The following RPS3 variants were observed in gnomAD, a reference collection of about 807,000 sequenced individuals.
RPS3 encodes ribosomal protein S3, also known as small ribosomal subunit protein uS3.
Under a neutral mutation model 25.8 loss-of-function variants are expected in RPS3, and 2 were observed. The observed-to-expected ratio is 0.08, with a 90% CI of 0.03 to 0.24. RPS3 has a LOEUF of 0.24. Among genes scored for constraint, RPS3 ranks in the 10% least tolerant of loss-of-function variants. The pLI is 1.00. For missense variants in RPS3, 107 were observed against 307.1 expected, an observed-to-expected ratio of 0.35 and a Z score of 4.87; for synonymous variants, 114 against 114.2, an observed-to-expected ratio of 1.00 and a Z score of 0.01.
chr11:75,401,125 G>A (rs997164889), intron 2 of RPS3, among the ~76,000 whole-genome samples: 2 of 152,086 alleles, frequency 1.3e-5, no homozygotes, highest in African/African-American at 2.4e-5. Flanking sequence ...CTCGTGATCC[G>A]CCTGCCTCAG....
chr11:75,410,016 C>T (rs1462938111), downstream of RPS3, among the ~76,000 whole-genome samples: 8 of 135,128 alleles, frequency 5.9e-5, no homozygotes, highest in African/African-American at 1.6e-4. Flanking sequence ...TAGGGGCGGC[C>T]GGGCAGAGGC....
At chr11:75,408,854 A>G (rs1367586082), downstream of RPS3, among the ~76,000 whole-genome samples, 1 of 152,208 alleles carries the variant, frequency 6.6e-6, no homozygotes. Flanking sequence ...TACATCTTTT[A>G]CAGAAAACTA....
chr11:75,401,615 T>C (rs767465035), intron 2 of RPS3, 25 bp from the exon 3 acceptor site: 2 of 1,496,210 alleles, frequency 1.3e-6, no homozygotes, highest in Non-Finnish European at 1.9e-6. Flanking sequence ...TGTGAGAATC[T>C]TGAATTGTCA....
At position 75,403,899 on chromosome 11, in the gene RPS3, C is replaced by T. The variant is rs146714174; in HGVS notation, c.351-121C>T. 4.9e-4 allele frequency: 429 copies of T among 880,716 alleles called. 2 individuals are homozygous for T. The African/African-American group carries it at 6.0e-3, about 12-fold the overall frequency. The allele number at this position is 880,716 out of a possible 1,614,324, so 54.6% of individuals were successfully genotyped here. A position where few individuals can be genotyped will look rare whatever the true frequency, so the allele number is the denominator to read the frequency against. ...GGAAGAGAATTGGTATTCTTGGGGC[C>T]GGACTCTGGTCAAATTATTCTCCAT... On this transcript the variant is annotated intron_variant, in intron 4 of 6. Transcript: ENST00000531188.
At chr11:75,409,166 TTTA>T (rs201512416), downstream of RPS3, among the ~76,000 whole-genome samples, 1,302 of 150,902 alleles carry the variant, frequency 8.6e-3, 13 homozygotes, top group African/African-American at 0.021. Context: ...TTTTATTTTA[TTTA>T]TTATTATTAT....
chr11:75,408,651 C>T (rs551475190), downstream of RPS3, among the ~76,000 whole-genome samples: 9 of 151,970 alleles, frequency 5.9e-5, no homozygotes, highest in Admixed American at 2.6e-4. Context: ...AATCTCAGCT[C>T]GCTGCAACCT....
At chr11:75,409,193 A>T (rs565016726), downstream of RPS3, among the ~76,000 whole-genome samples, 83 of 149,402 alleles carry the variant, frequency 5.6e-4, no homozygotes, top group African/African-American at 2.0e-3. Context: ...TTATTTATTT[A>T]TTTATTTTTT....
intron 6 of RPS3, among the ~76,000 whole-genome samples, chr11:75,417,689 C>A (rs1386558770): frequency 3.3e-5 from 5 of 152,206 alleles, no homozygotes; most frequent in Non-Finnish European, 5.9e-5. Flanking sequence ...TCACTTGAGC[C>A]TGGCAGGTAA....
At chr11:75,411,697 T>C (rs963931228), downstream of RPS3, among the ~76,000 whole-genome samples, 2 of 152,188 alleles carry the variant, frequency 1.3e-5, no homozygotes, top group East Asian at 3.8e-4. Flanking sequence ...GCCCTTAATA[T>C]GTCTTAAGTG....
chr11:75,404,170 C>T lies in RPS3; in HGVS notation c.501C>T (p.Tyr167=), dbSNP rs118052894. The T allele has an allele frequency of 2.6e-4, 427 of 1,614,108 alleles. 2 individuals carry two copies. In the East Asian group the frequency reaches 8.5e-3, roughly 32 times the overall value. ...MIHSGDPVNY[Y]VDTAVRHVLL... ...ACAGCGGAGACCCTGTTAACTACTA[C>T]GTTGACACTGCTGTGCGCCACGTGT... Residue 167 remains tyrosine (Y), a synonymous_variant, in exon 5 of 7, where the codon TAC becomes TAT. Coordinates refer to ENST00000531188, the MANE Select transcript of RPS3 (RefSeq NM_001005.5). The surrounding 1 kb of genome is among the most constrained non-coding windows in gnomAD (Gnocchi z 4.6).
intron 6 of RPS3, among the ~76,000 whole-genome samples, chr11:75,413,001 G>C (rs1948369931): frequency 6.6e-6 from 1 of 152,116 alleles, no homozygotes. Flanking sequence ...TTGAACTCCT[G>C]GCCTCAAGTG....
chr11:75,408,643 T>TCTCAGCTCGCTGCAAC (rs1334298388), downstream of RPS3, among the ~76,000 whole-genome samples: 15 of 151,800 alleles, frequency 9.9e-5, no homozygotes, highest in Admixed American at 4.6e-4. Flanking sequence ...AGTAGCACAA[T>TCTCAGCTCGCTGCAAC]CTCAGCTCGC....
Position 75,404,378 on chromosome 11 carries a change from G to T in RPS3, c.538+171G>T. On this transcript the variant is annotated intron_variant, in intron 5 of 6. Coordinates refer to ENST00000531188, the MANE Select transcript of RPS3 (RefSeq NM_001005.5). The surrounding 1 kb of genome is among the most constrained non-coding windows in gnomAD (Gnocchi z 4.6). ...AGAATCGATTTGCTGAGATCTGTCA[G>T]ATCCAAGAGTTGGTTTGTCCTTGTT... The T allele has an allele frequency of 3.7e-6, 3 of 808,676 alleles. No homozygotes were observed. Among genetic ancestry groups the T allele is most frequent in the Non-Finnish European group, 6.5e-6 (3 of 462,122 alleles). The allele number at this position is 808,676 out of a possible 1,614,324, so 50.1% of individuals were successfully genotyped here.
intron 6 of RPS3, 192 bp from the exon 7 acceptor site, chr11:75,405,422 T>G: frequency 3.1e-6 from 1 of 324,396 alleles, no homozygotes; most frequent in South Asian, 2.6e-5. Flanking sequence ...CACTTGGGGT[T>G]TTTTTGTTTA....
At position 75,406,860 on chromosome 11, in the gene RPS3, A is replaced by G. The variant is rs1295088596; in HGVS notation, c.*1250A>G. The G allele has an allele frequency of 2.6e-5, 4 of 152,262 alleles. No individual in the cohort carries two copies. Among genetic ancestry groups the G allele is most frequent in the Admixed American group, 2.6e-4 (4 of 15,290 alleles). 9.4% of individuals were successfully genotyped at this position (152,262 alleles called of 1,614,324 possible). ...CTTGTACACTGCAGTTGTAACAGCT[A>G]TGTAGCATGTACATTAGGTATTAAA... On this transcript the variant is annotated 3_prime_UTR_variant, in exon 7 of 7. Coordinates refer to ENST00000531188, the MANE Select transcript of RPS3 (RefSeq NM_001005.5).
chr11:75,400,326 C>T (rs575617321), intron 1 of RPS3: 105 of 514,442 alleles, frequency 2.0e-4, no homozygotes, highest in South Asian at 1.4e-3. Flanking sequence ...CTTTGCTGTG[C>T]TGAATGAAGT....
downstream of RPS3, among the ~76,000 whole-genome samples, chr11:75,411,595 TTAGC>T (rs1170874505): frequency 6.6e-6 from 1 of 151,362 alleles, no homozygotes; most frequent in East Asian, 2.0e-4. Context: ...TTTCACCATG[TTAGC>T]TAGGATGGTC....
intron 6 of RPS3, among the ~76,000 whole-genome samples, chr11:75,418,492 A>G (rs542238854): frequency 6.6e-6 from 1 of 152,242 alleles, no homozygotes; most frequent in South Asian, 2.1e-4. Flanking sequence ...GGGAAAAAAA[A>G]GGTAAAAAAA....
Position 75,404,551 on chromosome 11 carries a change from C to A in RPS3, c.539-121C>A. On this transcript the variant is annotated intron_variant, in intron 5 of 6. Coordinates refer to ENST00000531188, the MANE Select transcript of RPS3 (RefSeq NM_001005.5). The surrounding 1 kb of genome is among the most constrained non-coding windows in gnomAD (Gnocchi z 4.6). ...TCCTATTTATTGATCGATTTAGAGG[C>A]ATTTGTCTGAGAAGGGTCCAGACCC... 1 of 930,134 alleles carries A rather than the reference C, an allele frequency of 1.1e-6. No individual in the cohort carries two copies. Among genetic ancestry groups the A allele is most frequent in the Non-Finnish European group, 1.8e-6 (1 of 556,194 alleles). The allele number at this position is 930,134 out of a possible 1,614,324, so 57.6% of individuals were successfully genotyped here.
Sources: gnomAD v4.1 joint callset for allele counts (sites outside exome capture counted in the v4.1 genomes callset) on GRCh38, gnomAD v4.1.1 for gene constraint, Gnocchi (gnomAD v3.1) non-coding constraint, MANE v1.5 for transcripts, NCBI Gene and HGNC (gene_info 2026-07-23, HGNC 2026-07-21) for gene names.